Variants in ADH1A observed in about 807,000 individuals in gnomAD.
The protein encoded by ADH1A is alcohol dehydrogenase 1A (class I), alpha polypeptide.
Under a neutral mutation model 35.2 loss-of-function variants are expected in ADH1A, and 29 were observed. The observed-to-expected ratio is 0.82, with a 90% CI of 0.61 to 1.12. The LOEUF is 1.12. ADH1A is among the 50% of genes most tolerant of loss of function. ADH1A has a pLI of 0.00. For missense variants in ADH1A, 469 were observed against 464.7 expected, an observed-to-expected ratio of 1.01 and a Z score of -0.09; for synonymous variants, 147 against 164.8, an observed-to-expected ratio of 0.89 and a Z score of 0.83.
rs752600039 is a variant in ADH1A at position 99,284,584 on chromosome 4, T to A, written c.382A>T (p.Thr128Ser). 6.2e-7 allele frequency: 1 copy of A among 1,614,056 alleles called. No homozygotes were observed. Among genetic ancestry groups the A allele is most frequent in the Admixed American group, 1.7e-5 (1 of 60,000 alleles). Residue 128 changes from threonine to serine, a missense_variant, in exon 5 of 9, where the codon ACC becomes TCC. Coordinates refer to ENST00000209668, the MANE Select transcript of ADH1A (RefSeq NM_000667.4). Reference sequence around the variant, plus strand: ...TTCCTCCTGCAGGTGAACCTGCTGGTGCCATCCTGCAGGGTCCCCTGAGGA... The same window carrying A: ...TTCCTCCTGCAGGTGAACCTGCTGGAGCCATCCTGCAGGGTCCCCTGAGGA... Reference protein sequence around the residue: ...SNPQGTLQDGTSRFTCRRKPI... With the variant: ...SNPQGTLQDGSSRFTCRRKPI...
chr4:99,290,534 T>C (rs1185689817), intron 1 of ADH1A, among the ~76,000 whole-genome samples: 1 of 152,228 alleles, frequency 6.6e-6, no homozygotes, highest in Non-Finnish European at 1.5e-5. Flanking sequence ...TAGTAATACA[T>C]TTAAATTATG....
At chr4:99,285,969 C>A (rs1309500965) in intron 3 of ADH1A, among the ~76,000 whole-genome samples, 1 of 137,128 alleles carries the variant, frequency 7.3e-6, no homozygotes, top group Admixed American at 8.5e-5. Context: ...TTGCAGTGAG[C>A]TGAGATCGCG....
intron 3 of ADH1A, among the ~76,000 whole-genome samples, chr4:99,285,609 T>C (rs1240349739): frequency 6.6e-6 from 1 of 152,188 alleles, no homozygotes; most frequent in Non-Finnish European, 1.5e-5. Context: ...TAGTTATTAG[T>C]TATTATTCAG....
chr4:99,290,785 T>G, intron 1 of ADH1A, 112 bp downstream of exon 1: 1 of 1,113,256 alleles, frequency 9.0e-7, no homozygotes, highest in Non-Finnish European at 1.4e-6. Context: ...CATATTTCAG[T>G]GTATCATTTC....
At chr4:99,284,879 T>G (rs1733110963) in intron 3 of ADH1A, 76 bp from the exon 4 acceptor site, 4 of 1,264,928 alleles carry the variant, frequency 3.2e-6, no homozygotes, top group Non-Finnish European at 4.5e-6. Flanking sequence ...AGCTCACATG[T>G]CTTTAAAACA....
chr4:99,287,772 C>A, intron 1 of ADH1A, 107 bp from the exon 2 acceptor site: 1 of 1,198,850 alleles, frequency 8.3e-7, no homozygotes, highest in Non-Finnish European at 1.2e-6. Flanking sequence ...TGTCTGGTAC[C>A]TAACAAGTGC....
intron 8 of ADH1A, among the ~76,000 whole-genome samples, chr4:99,278,736 A>G (rs1310304833): frequency 6.6e-6 from 1 of 152,182 alleles, no homozygotes; most frequent in Non-Finnish European, 1.5e-5. Flanking sequence ...GTTGTGCCTC[A>G]TGTAAATGCA....
At chr4:99,284,898 A>T in intron 3 of ADH1A, 95 bp from the exon 4 acceptor site, 1 of 1,099,026 alleles carries the variant, frequency 9.1e-7, no homozygotes. Flanking sequence ...CATTAGAAAC[A>T]TGTGTCTTTA....
chr4:99,279,026 A>G (rs1732931792), intron 8 of ADH1A, among the ~76,000 whole-genome samples: 1 of 152,200 alleles, frequency 6.6e-6, no homozygotes, highest in Non-Finnish European at 1.5e-5. Flanking sequence ...GATGTCCTGA[A>G]AATTATTTAA....
At chr4:99,283,196 C>T (rs1733048808) in intron 5 of ADH1A, among the ~76,000 whole-genome samples, 1 of 152,098 alleles carries the variant, frequency 6.6e-6, no homozygotes, top group Non-Finnish European at 1.5e-5. Context: ...AGTAATGAAA[C>T]ATTAGTCTAT....
rs756247248 is a variant in ADH1A at position 99,276,687 on chromosome 4, A to G, written c.1104-39T>C. The G allele has an allele frequency of 1.1e-5, 17 of 1,586,010 alleles. No homozygotes were observed. In the Admixed American group the frequency reaches 2.8e-4, roughly 26 times the overall value. ...GAAGAGACATTGTATTAGCATTTAG[A>G]CATGCTTCCATGTGAGAGTCCAAGG... is the stretch of plus-strand genomic sequence containing the variant. On this transcript the variant is annotated intron_variant, in intron 8 of 8. Transcript: ENST00000209668.
At chr4:99,286,632 G>T in intron 3 of ADH1A, 1 of 659,576 alleles carries the variant, frequency 1.5e-6, no homozygotes, top group Non-Finnish European at 2.4e-6. Context: ...TCTAGCAGAT[G>T]CTCAGTACAT....
intron 6 of ADH1A, 125 bp from the exon 7 acceptor site, chr4:99,280,404 T>G (rs1476356149): frequency 6.7e-7 from 1 of 1,500,394 alleles, no homozygotes; most frequent in Non-Finnish European, 9.0e-7. Flanking sequence ...TTATGTCTTT[T>G]GCTCCTTCAG....
rs1180938421 is a variant in ADH1A at position 99,286,920 on chromosome 4, A to G, written c.189T>C (p.Pro63=). 2 of 1,614,054 alleles carry G rather than the reference A, an allele frequency of 1.2e-6. No homozygotes were observed. Among genetic ancestry groups the G allele is most frequent in the African/African-American group, 1.3e-5 (1 of 74,914 alleles). Residue 63 remains proline, a synonymous_variant, in exon 3 of 9, where the codon CCT becomes CCC. Coordinates refer to ENST00000209668, the MANE Select transcript of ADH1A (RefSeq NM_000667.4). ...VVSGTMVTPL[P]VILGHEAAGI... Reference sequence around the variant, plus strand: ...CGGCTGCCTCATGGCCTAAAATCACAGGAAGTGGGGTCACCATGGTACCAC... The same window carrying G: ...CGGCTGCCTCATGGCCTAAAATCACGGGAAGTGGGGTCACCATGGTACCAC...
At chr4:99,282,213 G>A in intron 6 of ADH1A, 133 bp downstream of exon 6, 7 of 1,545,080 alleles carry the variant, frequency 4.5e-6, no homozygotes, top group Non-Finnish European at 6.2e-6. Context: ...AACAAGCCAG[G>A]TAACAAACAG....
Position 99,287,000 on chromosome 4 carries a change from A to G in ADH1A, c.121-12T>C. ...CCTACAGCCACCATCTACAGAGTGA[A>G]GAGAAGATGTTTATAAAAGATTGTG... On this transcript the variant is annotated splice_polypyrimidine_tract_variant and intron_variant, in intron 2 of 8. Coordinates refer to ENST00000209668, the MANE Select transcript of ADH1A (RefSeq NM_000667.4). 1 of 1,606,362 alleles carries G rather than the reference A, an allele frequency of 6.2e-7. No individual in the cohort carries two copies. The highest frequency in any genetic ancestry group is 1.1e-5 in the South Asian group (1 of 89,514).
chr4:99,286,953 G>T lies in ADH1A; in HGVS notation c.156C>A (p.His52Gln). The change falls in exon 3 of 9, where the codon CAC becomes CAA. Residue 52 changes from histidine to glutamine, a missense_variant. His to Gln is a conservative substitution (Grantham distance 24). Coordinates refer to ENST00000209668, the MANE Select transcript of ADH1A (RefSeq NM_000667.4). Reference sequence around the variant, plus strand: ...GGGTCACCATGGTACCACTAACCACGTGGTCATCTGTGCCACAGATTCCTA... The same window carrying T: ...GGGTCACCATGGTACCACTAACCACTTGGTCATCTGTGCCACAGATTCCTA... ...VAVGICGTDD[H>Q]VVSGTMVTPL... 6.2e-7 allele frequency: 1 copy of T among 1,614,166 alleles called. No homozygotes were observed. Among genetic ancestry groups the T allele is most frequent in the African/African-American group, 1.3e-5 (1 of 75,042 alleles).
intron 2 of ADH1A, 85 bp downstream of exon 2, chr4:99,287,479 T>A: frequency 7.7e-7 from 1 of 1,295,696 alleles, no homozygotes; most frequent in African/African-American, 1.5e-5. Context: ...ATTTTCTGGA[T>A]GATCATATAA....
Position 99,290,968 on chromosome 4 carries a change from T to C in ADH1A, c.-54A>G. The C allele has an allele frequency of 6.2e-7, 1 of 1,603,294 alleles. No individual in the cohort carries two copies. The highest frequency in any genetic ancestry group is 8.5e-7 in the Non-Finnish European group (1 of 1,170,278). ...AGACTGGTGAGTCCTTGTGGATTTC[T>C]TCCCTGCTCAAGTGCATAAAGCAGG... On this transcript the variant is annotated 5_prime_UTR_variant, in exon 1 of 9. Coordinates refer to ENST00000209668, the MANE Select transcript of ADH1A (RefSeq NM_000667.4).
Sources: allele counts gnomAD v4.1 joint callset (sites outside exome capture counted in the v4.1 genomes callset), GRCh38; gene constraint gnomAD v4.1.1; transcripts MANE v1.5; gene names NCBI Gene and HGNC (gene_info 2026-07-23, HGNC 2026-07-21).